The following CNNM4 variants were observed in gnomAD, a reference collection of about 807,000 sequenced individuals.
CNNM4 encodes metal transporter CNNM4.
A neutral mutation model predicts 53.7 loss-of-function variants in CNNM4; 32 were observed. The ratio of observed to expected loss-of-function variants is 0.60; its 90% confidence interval spans 0.45 to 0.80. The LOEUF (loss-of-function observed/expected upper bound fraction) is 0.80, where lower values mean the gene tolerates loss of function less well. Among genes scored for constraint, CNNM4 ranks in the 30% least tolerant of loss-of-function variants. The pLI is 0.00. For synonymous variants in CNNM4, 410 were observed against 440.0 expected (o/e 0.93, Z 0.85); for missense variants, 784 against 1,022.0 (o/e 0.77, Z 3.17).
At position 96,797,789 on chromosome 2, in the gene CNNM4, G is replaced by T. The variant is rs2079118172; in HGVS notation, c.1681+142G>T. 1 of 1,145,958 alleles carries T rather than the reference G, an allele frequency of 8.7e-7. No homozygotes were observed. Among genetic ancestry groups the T allele is most frequent in the African/African-American group, 1.5e-5 (1 of 65,720 alleles). 71.0% of individuals were successfully genotyped at this position (1,145,958 alleles called of 1,614,324 possible). On this transcript the variant is annotated intron_variant, in intron 3 of 6. Transcript: ENST00000377075. This position sits in a 1 kb window ranked among gnomAD's most constrained non-coding sequence, Gnocchi z 6.0. ...GACAACACAGCCACCCCTGGAAGGG[G>T]CCGGGTATCTGCTCCACCCCTGGGG...
intron 1 of CNNM4, among the ~76,000 whole-genome samples, chr2:96,785,277 A>G (rs1174273057): frequency 6.6e-6 from 1 of 152,178 alleles, no homozygotes; most frequent in Non-Finnish European, 1.5e-5. Flanking sequence ...TTCAATCAAA[A>G]ATTATGTACA....
chr2:96,795,429 T>A (rs2079094126), intron 1 of CNNM4, among the ~76,000 whole-genome samples: 1 of 151,980 alleles, frequency 6.6e-6, no homozygotes, highest in Non-Finnish European at 1.5e-5. Flanking sequence ...GAACCTGTAG[T>A]GGGAAATACA....
rs573014478 is a variant in CNNM4 at position 96,760,961 on chromosome 2, T to C, written c.-39T>C. 1 of 974,000 alleles carries C rather than the reference T, an allele frequency of 1.0e-6. No individual in the cohort carries two copies. The highest frequency in any genetic ancestry group is 1.8e-5 in the African/African-American group (1 of 54,928). 60.3% of individuals were successfully genotyped at this position (974,000 alleles called of 1,614,324 possible). ...CGGTGCGGACCGGGGCCGCGCGGCG[T>C]GGCGCGGGGAGCGGCGGCGGCGGCA... On this transcript the variant is annotated 5_prime_UTR_variant, in exon 1 of 7. Transcript: ENST00000377075.
intron 5 of CNNM4, among the ~76,000 whole-genome samples, chr2:96,804,058 T>G (rs1196529807): frequency 6.6e-6 from 1 of 150,390 alleles, no homozygotes; most frequent in Admixed American, 6.6e-5. Context: ...GCCACCATGC[T>G]GGGCAATTTT....
chr2:96,801,694 CCA>C lies in CNNM4; in HGVS notation c.1948+2054_1948+2055del, dbSNP rs1021449959. Among the ~76,000 whole-genome samples the C allele has an allele frequency of 7.0e-5, 10 of 142,656 alleles. No homozygotes were observed. The highest frequency in any genetic ancestry group is 2.4e-4 in the African/African-American group (9 of 37,736). The allele number at this position is 142,656 out of a possible 152,430, so 93.6% of individuals were successfully genotyped here. ...CACACAGAGACCACACGCAGAGAGACCACACACACGCAGAGAGACCACACACA... is the reference window on the plus strand; with the variant it reads ...CACACAGAGACCACACGCAGAGAGACCACACACGCAGAGAGACCACACACA... On this transcript the variant is annotated intron_variant, in intron 5 of 6. Transcript: ENST00000377075. The surrounding 1 kb of genome is among the most constrained non-coding windows in gnomAD (Gnocchi z 5.6).
At chr2:96,765,043 T>G (rs1221850829) in intron 1 of CNNM4, among the ~76,000 whole-genome samples, 38 of 117,092 alleles carry the variant, frequency 3.2e-4, no homozygotes, top group African/African-American at 1.2e-3. Context: ...TTTTTTTTTT[T>G]TTTTTTTTTT....
Position 96,797,431 on chromosome 2 carries a change from G to A in CNNM4, c.1547-82G>A. 2.5e-6 allele frequency: 4 copies of A among 1,581,170 alleles called. No homozygotes were observed. The highest frequency in any genetic ancestry group is 3.4e-6 in the Non-Finnish European group (4 of 1,160,444). Reference sequence around the variant, plus strand: ...CCTGCGTGGGACTAGGGGCTGGAGAGCAGGAGCTGCGGGGCGGGTTCCAGT... The same window carrying A: ...CCTGCGTGGGACTAGGGGCTGGAGAACAGGAGCTGCGGGGCGGGTTCCAGT... On this transcript the variant is annotated intron_variant, in intron 2 of 6. Transcript: ENST00000377075. This position sits in a 1 kb window ranked among gnomAD's most constrained non-coding sequence, Gnocchi z 6.0.
intron 6 of CNNM4, 140 bp from the exon 7 acceptor site, chr2:96,809,180 T>C: frequency 6.5e-7 from 1 of 1,529,276 alleles, no homozygotes; most frequent in Non-Finnish European, 8.8e-7. Flanking sequence ...ACCTTGTTCT[T>C]TGTAAGGGCT....
intron 1 of CNNM4, among the ~76,000 whole-genome samples, chr2:96,770,133 C>T (rs2078856051): frequency 6.6e-6 from 1 of 152,232 alleles, no homozygotes; most frequent in Admixed American, 6.5e-5. Flanking sequence ...AGAGGACACT[C>T]ACGTGTCTTC....
intron 1 of CNNM4, among the ~76,000 whole-genome samples, chr2:96,778,104 T>G: frequency 6.6e-6 from 1 of 151,694 alleles, no homozygotes. Context: ...TGAACTCAAG[T>G]GATCTGCCCA....
At chr2:96,771,140 C>T (rs1417496196) in intron 1 of CNNM4, among the ~76,000 whole-genome samples, 1 of 152,148 alleles carries the variant, frequency 6.6e-6, no homozygotes, top group Non-Finnish European at 1.5e-5. Context: ...TGTCTGCTGC[C>T]ACGCCTGCCC....
intron 1 of CNNM4, among the ~76,000 whole-genome samples, chr2:96,766,954 G>A (rs1324084314): frequency 6.6e-6 from 1 of 152,186 alleles, no homozygotes; most frequent in African/African-American, 2.4e-5. Context: ...TGACATGTCA[G>A]GGACTGAGAA....
chr2:96,809,465 T>A lies in CNNM4; in HGVS notation c.2276T>A (p.Leu759His). The change falls in exon 7 of 7, where the codon CTC becomes CAC. Residue 759 changes from leucine (L) to histidine (H), a missense_variant. By Grantham distance (99) the Leu-to-His change is moderately conservative. Around this residue, in one of 3 missense-constraint regions of CNNM4, gnomAD observed 307 missense variants for 376.3 expected, o/e 0.82. Transcript: ENST00000377075. Reference protein sequence around the residue: ...LPVVDETTTLLNERNSLLHKA... With the variant: ...LPVVDETTTLHNERNSLLHKA... ...GTGGTGGACGAGACCACAACTCTTC[T>A]CAACGAGCGTAACTCCTTGCTGCAC... 1 of 1,614,160 alleles carries A rather than the reference T, an allele frequency of 6.2e-7. No individual in the cohort carries two copies. Among genetic ancestry groups the A allele is most frequent in the Non-Finnish European group, 8.5e-7 (1 of 1,180,018 alleles).
intron 1 of CNNM4, among the ~76,000 whole-genome samples, chr2:96,779,860 T>G (rs1399241318): frequency 6.6e-6 from 1 of 151,538 alleles, no homozygotes; most frequent in African/African-American, 2.4e-5. Flanking sequence ...CGGAGTGCAG[T>G]GGTGTGATCT....
Sources: allele counts gnomAD v4.1 joint callset (sites outside exome capture counted in the v4.1 genomes callset), GRCh38; gene constraint gnomAD v4.1.1; regional missense constraint gnomAD v4.1.1; non-coding constraint Gnocchi (gnomAD v3.1); transcripts MANE v1.5; gene names NCBI Gene and HGNC (gene_info 2026-07-23, HGNC 2026-07-21).